GOLGA7: variants seen among roughly 807,000 people sequenced by gnomAD.
The protein encoded by GOLGA7 is golgin subfamily A member 7.
A neutral mutation model predicts 21.1 loss-of-function variants in GOLGA7; 10 were observed. The observed-to-expected ratio is 0.47, with a 90% CI of 0.29 to 0.80. The LOEUF (loss-of-function observed/expected upper bound fraction) is 0.80. Among genes scored for constraint, GOLGA7 ranks in the 30% least tolerant of loss-of-function variants. GOLGA7 has a pLI of 0.08. For missense variants in GOLGA7, 114 were observed against 166.8 expected, an observed-to-expected ratio of 0.68 and a Z score of 1.74; for synonymous variants, 64 against 62.6, an observed-to-expected ratio of 1.02 and a Z score of -0.10.
At chr8:41,496,695 C>G (rs1325589870) in intron 1 of GOLGA7, among the ~76,000 whole-genome samples, 1 of 146,558 alleles carries the variant, frequency 6.8e-6, no homozygotes, top group Non-Finnish European at 1.5e-5. Flanking sequence ...TCTTTAGTTA[C>G]TCAATTTAAG....
At chr8:41,499,325 A>T (rs985476932) in intron 2 of GOLGA7, among the ~76,000 whole-genome samples, 1 of 152,176 alleles carries the variant, frequency 6.6e-6, no homozygotes, top group Non-Finnish European at 1.5e-5. Flanking sequence ...AGCCATCCAT[A>T]GGCGGCTTGT....
At chr8:41,497,435 T>A in intron 1 of GOLGA7, 74 bp from the exon 2 acceptor site, 1 of 819,544 alleles carries the variant, frequency 1.2e-6, no homozygotes, top group Non-Finnish European at 1.9e-6. Context: ...GAAAACAAGA[T>A]AAATTAATGA....
chr8:41,494,872 A>G (rs1447844656), intron 1 of GOLGA7, among the ~76,000 whole-genome samples: 4 of 152,136 alleles, frequency 2.6e-5, no homozygotes, highest in Non-Finnish European at 5.9e-5. Flanking sequence ...AACTGCTTCT[A>G]ACTTAAAGAG....
In GOLGA7 at chr8:41,510,262, G is replaced by A. The variant is rs535637167; in HGVS notation, c.*694G>A. 3 of 152,534 alleles carry A rather than the reference G, an allele frequency of 2.0e-5. No individual in the cohort carries two copies. The highest frequency in any genetic ancestry group is 4.4e-5 in the Non-Finnish European group (3 of 68,020). 9.4% of individuals were successfully genotyped at this position (152,534 alleles called of 1,614,324 possible). On this transcript the variant is annotated 3_prime_UTR_variant, in exon 5 of 5. Coordinates refer to ENST00000357743, the MANE Select transcript of GOLGA7 (RefSeq NM_001002296.2). ...TTTCTTTGGAGAATTTTATGTCATT[G>A]TTCCATTACCTTGAATGTTGGAAAG...
chr8:41,507,489 A>G (rs1298328650), intron 4 of GOLGA7, among the ~76,000 whole-genome samples: 2 of 152,192 alleles, frequency 1.3e-5, no homozygotes, highest in Non-Finnish European at 2.9e-5. Context: ...AGAGATGTCT[A>G]CCTATATGAC....
At chr8:41,490,567 G>T, upstream of GOLGA7, 1 of 424,722 alleles carries the variant, frequency 2.4e-6, no homozygotes. Context: ...GCGGCAGGAC[G>T]TAAGTGACGG....
intron 3 of GOLGA7, 139 bp from the exon 4 acceptor site, chr8:41,506,920 T>C (rs1563421051): frequency 3.0e-6 from 2 of 670,112 alleles, no homozygotes; most frequent in Non-Finnish European, 5.4e-6. Context: ...GAAAGCAAAC[T>C]TAAGTAGGAA....
intron 2 of GOLGA7, chr8:41,505,703 A>G: frequency 2.2e-6 from 1 of 448,904 alleles, no homozygotes; most frequent in Non-Finnish European, 4.0e-6. Flanking sequence ...TGTGTCGAAG[A>G]TATTTTTGAC....
intron 2 of GOLGA7, among the ~76,000 whole-genome samples, chr8:41,501,699 A>G (rs1274151301): frequency 1.3e-5 from 2 of 152,330 alleles, no homozygotes; most frequent in Non-Finnish European, 1.5e-5. Flanking sequence ...CCCAGCCAAG[A>G]TAGATTTTAA....
At chr8:41,504,697 T>C (rs994880124) in intron 2 of GOLGA7, among the ~76,000 whole-genome samples, 2 of 152,240 alleles carry the variant, frequency 1.3e-5, no homozygotes, top group African/African-American at 4.8e-5. Context: ...ACATGAGATT[T>C]TTTTATCCCC....
intron 2 of GOLGA7, among the ~76,000 whole-genome samples, chr8:41,501,750 C>T (rs567190023): frequency 1.3e-5 from 2 of 152,318 alleles, no homozygotes; most frequent in South Asian, 2.1e-4. Context: ...TATTTGTGAA[C>T]TCACATATGA....
chr8:41,500,301 C>G (rs112016111), intron 2 of GOLGA7, among the ~76,000 whole-genome samples: 3,267 of 152,184 alleles, frequency 0.021, 62 homozygotes, highest in Middle Eastern at 0.058. Flanking sequence ...CAGAAGAGGC[C>G]TCTGAGGTGG....
intron 4 of GOLGA7, among the ~76,000 whole-genome samples, chr8:41,507,599 A>G (rs777716612): frequency 6.6e-6 from 1 of 152,198 alleles, no homozygotes; most frequent in Non-Finnish European, 1.5e-5. Flanking sequence ...CTGTGGAAGA[A>G]ACCTTACCTA....
intron 3 of GOLGA7, 71 bp from the exon 4 acceptor site, chr8:41,506,988 C>T: frequency 5.0e-6 from 4 of 794,832 alleles, no homozygotes; most frequent in South Asian, 1.4e-5. Flanking sequence ...AGATCACACC[C>T]TCCACCTTGC....
intron 2 of GOLGA7, among the ~76,000 whole-genome samples, chr8:41,502,893 TAA>T (rs1248707303): frequency 2.0e-5 from 3 of 152,176 alleles, no homozygotes; most frequent in Admixed American, 2.0e-4. Context: ...TTACCAAAAA[TAA>T]TAAAGTGTGA....
intron 1 of GOLGA7, among the ~76,000 whole-genome samples, chr8:41,491,265 G>A (rs1805876301): frequency 6.6e-6 from 1 of 152,170 alleles, no homozygotes; most frequent in Non-Finnish European, 1.5e-5. Flanking sequence ...TCCCCACCCC[G>A]GGTTATTGTC....
intron 3 of GOLGA7, among the ~76,000 whole-genome samples, chr8:41,506,562 G>A (rs1806292263): frequency 6.6e-6 from 1 of 152,094 alleles, no homozygotes; most frequent in African/African-American, 2.4e-5. Context: ...GATAACTGGA[G>A]TAATGGGTAA....
At chr8:41,501,641 C>T (rs1237166348) in intron 2 of GOLGA7, among the ~76,000 whole-genome samples, 1 of 152,208 alleles carries the variant, frequency 6.6e-6, no homozygotes, top group Non-Finnish European at 1.5e-5. Context: ...AGCGATCCTC[C>T]CGTCTCGGCC....
At chr8:41,503,206 TAAA>T (rs35017365) in intron 2 of GOLGA7, among the ~76,000 whole-genome samples, 1 of 148,470 alleles carries the variant, frequency 6.7e-6, no homozygotes, top group South Asian at 2.1e-4. Context: ...CTAAAGTTTA[TAAA>T]AAAAAAAAAA....
Sources: allele counts gnomAD v4.1 joint callset (sites outside exome capture counted in the v4.1 genomes callset), GRCh38; gene constraint gnomAD v4.1.1; transcripts MANE v1.5; gene names NCBI Gene and HGNC (gene_info 2026-07-23, HGNC 2026-07-21).